Variants in CEP128 observed in about 807,000 individuals in gnomAD.
CEP128 encodes centrosomal protein 128kDa.
Under a neutral mutation model 156.7 loss-of-function variants are expected in CEP128, and 132 were observed. That is an observed-to-expected ratio of 0.84 (90% CI 0.73 to 0.97). The LOEUF is 0.97. Among genes scored for constraint, CEP128 ranks in the 50% least tolerant of loss-of-function variants. The pLI is 0.00. For synonymous variants in CEP128, 469 were observed against 448.9 expected (o/e 1.04, Z -0.57); for missense variants, 1,252 against 1,281.9 (o/e 0.98, Z 0.36).
intron 19 of CEP128, among the ~76,000 whole-genome samples, chr14:80,597,961 A>AC (rs1469440621): frequency 1.2e-3 from 177 of 150,042 alleles, no homozygotes; most frequent in African/African-American, 4.0e-3. Context: ...AAAAAAAAAA[A>AC]AAAAAAAAAC....
chr14:80,618,182 C>G (rs1035663053), intron 19 of CEP128, among the ~76,000 whole-genome samples: 2 of 152,100 alleles, frequency 1.3e-5, no homozygotes, highest in African/African-American at 4.8e-5. Flanking sequence ...CAATTTTTTT[C>G]GTTCAATTAC....
intron 19 of CEP128, among the ~76,000 whole-genome samples, chr14:80,721,427 G>C (rs188466234): frequency 1.3e-5 from 2 of 152,244 alleles, no homozygotes; most frequent in Admixed American, 6.5e-5. Flanking sequence ...TGGAATTCAG[G>C]TGTGCTCTAA....
chr14:80,477,524 C>G (rs1286657917), exon 15 of CEP128: 1 of 152,176 alleles, frequency 6.6e-6, no homozygotes, highest in Non-Finnish European at 1.5e-5. Flanking sequence ...ATCTATACAT[C>G]TAAACCACGA....
intron 8 of CEP128, among the ~76,000 whole-genome samples, chr14:80,874,500 A>G (rs968504431): frequency 6.6e-6 from 1 of 152,128 alleles, no homozygotes; most frequent in East Asian, 1.9e-4. Flanking sequence ...GGAAAGAGCA[A>G]ACATAGTAAT....
chr14:80,813,408 A>G (rs1884672988), intron 13 of CEP128, among the ~76,000 whole-genome samples: 1 of 152,128 alleles, frequency 6.6e-6, no homozygotes, highest in South Asian at 2.1e-4. Flanking sequence ...AATTTGTTAA[A>G]GTCTAGTTTA....
At chr14:80,683,716 C>G (rs562747643) in intron 19 of CEP128, among the ~76,000 whole-genome samples, 62 of 152,154 alleles carry the variant, frequency 4.1e-4, no homozygotes, top group African/African-American at 1.4e-3. Flanking sequence ...TAAGCTCAGC[C>G]CTAAAGAAAG....
At chr14:80,850,247 G>C (rs956200469) in intron 9 of CEP128, among the ~76,000 whole-genome samples, 1 of 152,124 alleles carries the variant, frequency 6.6e-6, no homozygotes, top group East Asian at 1.9e-4. Context: ...TGTAATAACA[G>C]ACAGTTAATT....
intron 24 of CEP128, among the ~76,000 whole-genome samples, chr14:80,504,005 C>T (rs1331783562): frequency 2.0e-5 from 3 of 152,022 alleles, no homozygotes; most frequent in Admixed American, 6.6e-5. Flanking sequence ...TTTTATTTTA[C>T]AGCAATATAG....
intron 19 of CEP128, among the ~76,000 whole-genome samples, chr14:80,684,305 T>A (rs1459489946): frequency 6.6e-6 from 1 of 151,780 alleles, no homozygotes; most frequent in East Asian, 1.9e-4. Context: ...CTTCAGAGAG[T>A]ATTACAAACA....
At chr14:80,926,426 C>A (rs935458084) in intron 2 of CEP128, among the ~76,000 whole-genome samples, 3 of 152,164 alleles carry the variant, frequency 2.0e-5, no homozygotes, top group African/African-American at 7.2e-5. Flanking sequence ...GCAGACGTAG[C>A]TGTGCTCCTC....
chr14:80,932,967 CCATTTGTTGCATTTT>C lies in CEP128; in HGVS notation c.-16+6403_-16+6417del, dbSNP rs1310143905. ...GCTTCTCTTTCTGGTTCCATGTTTT[CCATTTGTTGCATTTT>C]CATTTCAGCATCCTGTGTGAGGATA... On this transcript the variant is annotated intron_variant, in intron 2 of 24. Transcript: ENST00000555265. Among the ~76,000 whole-genome samples the C allele has an allele frequency of 3.3e-5, 5 of 152,198 alleles. No homozygotes were observed. The East Asian group carries it at 7.7e-4, about 23-fold the overall frequency.
chr14:80,893,610 T>C (rs4899779), intron 8 of CEP128, among the ~76,000 whole-genome samples: 61,873 of 151,686 alleles, frequency 0.41, 12,983 homozygotes, highest in South Asian at 0.51. Flanking sequence ...TCATGTTGCA[T>C]AGCTTAAATG....
intron 23 of CEP128, among the ~76,000 whole-genome samples, chr14:80,508,932 A>T (rs1223108891): frequency 6.6e-6 from 1 of 152,164 alleles, no homozygotes; most frequent in Non-Finnish European, 1.5e-5. Flanking sequence ...GGTTTAATTG[A>T]CTCACTGTTC....
chr14:80,857,096 A>G (rs980445550), intron 9 of CEP128, among the ~76,000 whole-genome samples: 4 of 151,938 alleles, frequency 2.6e-5, no homozygotes, highest in African/African-American at 9.7e-5. Flanking sequence ...AATAATATTC[A>G]ATGTATATGA....
chr14:80,722,848 CG>C (rs1421388723), intron 19 of CEP128, among the ~76,000 whole-genome samples: 6 of 108,686 alleles, frequency 5.5e-5, no homozygotes, highest in African/African-American at 2.3e-4. Flanking sequence ...TTTTTTGAGA[CG>C]GGAGTCTTGC....
At chr14:80,696,872 G>C (rs887041220) in intron 19 of CEP128, among the ~76,000 whole-genome samples, 1 of 152,088 alleles carries the variant, frequency 6.6e-6, no homozygotes, top group Non-Finnish European at 1.5e-5. Flanking sequence ...ACAGAGCGTC[G>C]TTTCTTTGTA....
At chr14:80,484,678 C>T (rs985615234) in intron 14 of CEP128, among the ~76,000 whole-genome samples, 1 of 152,138 alleles carries the variant, frequency 6.6e-6, no homozygotes, top group African/African-American at 2.4e-5. Context: ...AAGAAGATAC[C>T]ACTCACATCC....
intron 8 of CEP128, among the ~76,000 whole-genome samples, chr14:80,878,296 G>A (rs1222048414): frequency 6.6e-6 from 1 of 152,044 alleles, no homozygotes; most frequent in Non-Finnish European, 1.5e-5. Context: ...CCATGCCCAA[G>A]AACCAGAAAA....
intron 21 of CEP128, among the ~76,000 whole-genome samples, chr14:80,549,646 T>G (rs770332227): frequency 2.6e-5 from 4 of 152,202 alleles, no homozygotes; most frequent in Non-Finnish European, 4.4e-5. Flanking sequence ...TGGCCAGATT[T>G]ACATTATCAA....
Sources: allele counts gnomAD v4.1 joint callset (sites outside exome capture counted in the v4.1 genomes callset), GRCh38; gene constraint gnomAD v4.1.1; transcripts MANE v1.5; gene names NCBI Gene and HGNC (gene_info 2026-07-23, HGNC 2026-07-21).